Variants in KCNK7 observed in about 807,000 individuals in gnomAD.
The protein encoded by KCNK7 is potassium two pore domain channel subfamily K member 7.
Under a neutral mutation model 18.1 loss-of-function variants are expected in KCNK7, and 14 were observed. That is an observed-to-expected ratio of 0.77 (90% confidence interval 0.51 to 1.21). KCNK7 has a LOEUF of 1.21. KCNK7 is among the 50% of genes most tolerant of loss of function. The pLI is 0.00. For missense variants in KCNK7, 385 were observed against 387.3 expected, an observed-to-expected ratio of 0.99 and a Z score of 0.05; for synonymous variants, 188 against 184.7, an observed-to-expected ratio of 1.02 and a Z score of -0.15.
rs76353556 is a variant in KCNK7 at position 65,593,838 on chromosome 11, T to C, written c.356A>G (p.Lys119Arg). 4,686 of 1,553,484 alleles carry C rather than the reference T, an allele frequency of 3.0e-3. 143 individuals carry two copies. The East Asian group carries it at 0.061, about 20-fold the overall frequency. Reference sequence around the variant, plus strand: ...GGCTGCATAGACCATGCAGAAGGCCTTTCCGCCTGGCGATAGTGGGGCCAT... The same window carrying C: ...GGCTGCATAGACCATGCAGAAGGCCCTTCCGCCTGGCGATAGTGGGGCCAT... ...GHMAPLSPGGKAFCMVYAALG... is the reference protein window; with the variant it reads ...GHMAPLSPGGRAFCMVYAALG... The change falls in exon 2 of 3, where the codon AAG (lysine) becomes AGG (arginine). Residue 119 changes from lysine (K) to arginine (R), a missense_variant. By Grantham distance (26) the Lys-to-Arg change is conservative. Coordinates refer to ENST00000340313, the MANE Select transcript of KCNK7 (RefSeq NM_033347.2).
At position 65,593,781 on chromosome 11, in the gene KCNK7, G is replaced by A. The variant is rs776803946; in HGVS notation, c.413C>T (p.Ala138Val). ...AGGCAGCAGGCAATGGCGCAGGGTG[G>A]CCACGAGAGCTAAGGAGGCTGGCAG... is the stretch of plus-strand genomic sequence containing the variant. ...LGLPASLALV[A>V]TLRHCLLPVL... Residue 138 changes from alanine to valine, a missense_variant, in exon 2 of 3, where the codon GCC becomes GTC. Coordinates refer to ENST00000340313, the MANE Select transcript of KCNK7 (RefSeq NM_033347.2). 40 of 1,609,732 alleles carry A rather than the reference G, an allele frequency of 2.5e-5. No individual in the cohort carries two copies. The highest frequency in any genetic ancestry group is 1.7e-4 in the Middle Eastern group (1 of 6,046).
At position 65,592,998 on chromosome 11, in the gene KCNK7, T is replaced by C; in HGVS notation, c.*7A>G. Reference sequence around the variant, plus strand: ...CCTTACGGAGCTGAACTCGGTCACCTGACGCTTCAGCAAGCAGGGGCTTGT... The same window carrying C: ...CCTTACGGAGCTGAACTCGGTCACCCGACGCTTCAGCAAGCAGGGGCTTGT... On this transcript the variant is annotated 3_prime_UTR_variant, in exon 3 of 3. Transcript: ENST00000340313. 6.2e-7 allele frequency: 1 copy of C among 1,611,938 alleles called. No homozygotes were observed. Among genetic ancestry groups the C allele is most frequent in the Non-Finnish European group, 8.5e-7 (1 of 1,179,526 alleles).
Position 65,593,682 on chromosome 11 carries a change from G to A in KCNK7, c.512C>T (p.Ala171Val). The change falls in exon 2 of 3, where the codon GCA becomes GTA. Residue 171 changes from alanine (A) to valine (V), a missense_variant. Physicochemically the swap from Ala to Val is moderately conservative, Grantham distance 64 (BLOSUM62 0). Transcript: ENST00000340313. ...GGCCACCAGCAGTCCCAGTGCAACT[G>A]CCTGCAGCAGCGCAGCCCTGGCCGG... ...LSPARAALLQ[A>V]VALGLLVASS... 1 of 1,606,444 alleles carries A rather than the reference G, an allele frequency of 6.2e-7. No individual in the cohort carries two copies. Among genetic ancestry groups the A allele is most frequent in the Non-Finnish European group, 8.5e-7 (1 of 1,179,100 alleles).
chr11:65,592,913 G>T lies in KCNK7; in HGVS notation c.*92C>A. 6.9e-7 allele frequency: 1 copy of T among 1,447,126 alleles called. No individual in the cohort carries two copies. Among genetic ancestry groups the T allele is most frequent in the South Asian group, 1.3e-5 (1 of 74,552 alleles). 89.6% of individuals were successfully genotyped at this position (1,447,126 alleles called of 1,614,324 possible). Reference sequence around the variant, plus strand: ...GAGGCCTCCCGCCCACCCTCACCGCGGCTCCATCTCCAGATTCTTCCCCAG... The same window carrying T: ...GAGGCCTCCCGCCCACCCTCACCGCTGCTCCATCTCCAGATTCTTCCCCAG... On this transcript the variant is annotated 3_prime_UTR_variant, in exon 3 of 3. Transcript: ENST00000340313.
chr11:65,595,298 T>C (rs1182925063), intron 1 of KCNK7, among the ~76,000 whole-genome samples, 156 bp downstream of exon 1: 1 of 152,154 alleles, frequency 6.6e-6, no homozygotes, highest in East Asian at 1.9e-4. Context: ...TGGGGTGTGT[T>C]GGTGGGGAGC....
Position 65,593,181 on chromosome 11 carries a change from G to C in KCNK7, c.748C>G (p.Leu250Val). The C allele has an allele frequency of 6.2e-7, 1 of 1,613,546 alleles. No individual in the cohort carries two copies. Among genetic ancestry groups the C allele is most frequent in the African/African-American group, 1.3e-5 (1 of 75,040 alleles). ...TCAGAGAAGGTCTCCACTGCCAGCA[G>C]CATGGCCAAGAGTCCTAGAAGCAAG... ...GYLLLGLLAM[L>V]LAVETFSELP... Residue 250 changes from leucine to valine, a missense_variant, in exon 3 of 3, where the codon CTG (leucine) becomes GTG (valine). Physicochemically the swap from Leu to Val is conservative, Grantham distance 32 (BLOSUM62 1). Coordinates refer to ENST00000340313, the MANE Select transcript of KCNK7 (RefSeq NM_033347.2).
chr11:65,595,399 G>A, intron 1 of KCNK7, 55 bp downstream of exon 1: 1 of 1,351,790 alleles, frequency 7.4e-7, no homozygotes, highest in Non-Finnish European at 9.7e-7. Context: ...AAGCCCCCAG[G>A]GAGCCATGGC....
rs1383675625 is a variant in KCNK7, at chr11:65,595,572, C to T, written c.201G>A (p.Leu67=). The change falls in exon 1 of 3, where the codon CTG becomes CTA. Residue 67 remains leucine (L), a synonymous_variant. Coordinates refer to ENST00000340313, the MANE Select transcript of KCNK7 (RefSeq NM_033347.2). ...CLPPGALEEL[L]GTALATQAHG... ...GGGCCTGGGTGGCCAGGGCAGTGCC[C>T]AGCAGCTCTTCCAGAGCTCCGGGTG... The T allele has an allele frequency of 2.6e-5, 41 of 1,591,798 alleles. No homozygotes were observed. Among genetic ancestry groups the T allele is most frequent in the Non-Finnish European group, 3.5e-5 (41 of 1,165,540 alleles).
At position 65,593,834 on chromosome 11, in the gene KCNK7, G is replaced by T. The variant is rs76286372; in HGVS notation, c.360C>A (p.Ala120=). 7.8e-4 allele frequency: 1,223 copies of T among 1,560,406 alleles called. 4 individuals carry two copies. In the African/African-American group the frequency reaches 0.015, roughly 20 times the overall value. The change falls in exon 2 of 3, where the codon GCC becomes GCA. Residue 120 remains alanine (A), a synonymous_variant. Transcript: ENST00000340313. The part of the protein sequence containing the change: ...HMAPLSPGGK[A]FCMVYAALGL... Reference sequence around the variant, plus strand: ...CCAGGGCTGCATAGACCATGCAGAAGGCCTTTCCGCCTGGCGATAGTGGGG... The same window carrying T: ...CCAGGGCTGCATAGACCATGCAGAATGCCTTTCCGCCTGGCGATAGTGGGG...
rs1224501744 is a variant in KCNK7 at position 65,593,516 on chromosome 11, C to T, written c.678G>A (p.Leu226=). Residue 226 remains leucine, a synonymous_variant, in exon 2 of 3, where the codon CTG becomes CTA. Coordinates refer to ENST00000340313, the MANE Select transcript of KCNK7 (RefSeq NM_033347.2). ...GGCCCAGGTGGTAAATCACGGGGTG[C>T]AGGCTGCGGCCGCGGCCGGGCAGCA... ...EDLLPGRGRS[L]HPVIYHLGQL... 4 of 1,612,812 alleles carry T rather than the reference C, an allele frequency of 2.5e-6. No homozygotes were observed. Among genetic ancestry groups the T allele is most frequent in the Non-Finnish European group, 2.5e-6 (3 of 1,179,904 alleles).
rs1351401495 is a variant in KCNK7 at position 65,593,172 on chromosome 11, C to T, written c.757G>A (p.Val253Met). 6.2e-7 allele frequency: 1 copy of T among 1,613,656 alleles called. No homozygotes were observed. Among genetic ancestry groups the T allele is most frequent in the Non-Finnish European group, 8.5e-7 (1 of 1,179,812 alleles). Residue 253 changes from valine (V) to methionine (M), a missense_variant, in exon 3 of 3, where the codon GTG becomes ATG. Val to Met is a conservative substitution (Grantham distance 21). Coordinates refer to ENST00000340313, the MANE Select transcript of KCNK7 (RefSeq NM_033347.2). ...LLGLLAMLLA[V>M]ETFSELPQVR... ...TGCGGCAGCTCAGAGAAGGTCTCCA[C>T]TGCCAGCAGCATGGCCAAGAGTCCT... is the stretch of plus-strand genomic sequence containing the variant.
Position 65,595,484 on chromosome 11 carries a change from G to T in KCNK7, c.289C>A (p.Leu97Ile). Residue 97 changes from leucine to isoleucine, a missense_variant, in exon 1 of 3, where the codon CTC becomes ATC. By Grantham distance (5) the Leu-to-Ile change is conservative. Transcript: ENST00000340313. ...GTGGTGAGGATGCTGGCAGCGAAGA[G>T]CAGGGCTGAGGGAAGGTCCCAGGTC... The part of the protein sequence containing the change: ...GRTWDLPSAL[L>I]FAASILTTTG... The T allele has an allele frequency of 1.4e-6, 2 of 1,472,270 alleles. No individual in the cohort carries two copies. The highest frequency in any genetic ancestry group is 1.8e-6 in the Non-Finnish European group (2 of 1,099,402). 91.2% of individuals were successfully genotyped at this position (1,472,270 alleles called of 1,614,324 possible).
At chr11:65,593,403 A>C (rs1358436784) in intron 2 of KCNK7, 73 bp downstream of exon 2, 7 of 1,613,274 alleles carry the variant, frequency 4.3e-6, no homozygotes, top group Non-Finnish European at 5.9e-6. Flanking sequence ...CCAGCCCCCC[A>C]GTGATTTATG....
chr11:65,593,268 C>T (rs1375139245), intron 2 of KCNK7, 58 bp from the exon 3 acceptor site: 2 of 1,613,152 alleles, frequency 1.2e-6, no homozygotes, highest in East Asian at 2.2e-5. Flanking sequence ...CCCCGCCCAC[C>T]TCCCAGCGCA....
chr11:65,593,810 C>G lies in KCNK7; in HGVS notation c.384G>C (p.Leu128=). 6.2e-7 allele frequency: 1 copy of G among 1,602,748 alleles called. No individual in the cohort carries two copies. The highest frequency in any genetic ancestry group is 8.5e-7 in the Non-Finnish European group (1 of 1,173,854). The change falls in exon 2 of 3, where the codon CTG becomes CTC. Residue 128 remains leucine (L), a synonymous_variant. Transcript: ENST00000340313. ...GKAFCMVYAA[L]GLPASLALVA... is the part of the protein sequence containing the mutation. Reference sequence around the variant, plus strand: ...CGAGAGCTAAGGAGGCTGGCAGCCCCAGGGCTGCATAGACCATGCAGAAGG... The same window carrying G: ...CGAGAGCTAAGGAGGCTGGCAGCCCGAGGGCTGCATAGACCATGCAGAAGG...
Position 65,595,465 on chromosome 11 carries a change from A to C in KCNK7, c.308T>G (p.Leu103Arg), listed in dbSNP as rs1854332068. The C allele has an allele frequency of 6.9e-7, 1 of 1,448,520 alleles. No individual in the cohort carries two copies. The highest frequency in any genetic ancestry group is 1.4e-5 in the African/African-American group (1 of 70,800). 89.7% of individuals were successfully genotyped at this position (1,448,520 alleles called of 1,614,324 possible). A position where few individuals can be genotyped will look rare whatever the true frequency, so the allele number is the denominator to read the frequency against. Reference protein sequence around the residue: ...PSALLFAASILTTTGYGHMAP... With the variant: ...PSALLFAASIRTTTGYGHMAP... ...CCTGGCTCTCTTACCTGTGGTGGTG[A>C]GGATGCTGGCAGCGAAGAGCAGGGC... The change falls in exon 1 of 3, where the codon CTC becomes CGC. Residue 103 changes from leucine (L) to arginine (R), a missense_variant. Leu to Arg is a moderately radical substitution (Grantham distance 102). Transcript: ENST00000340313.
chr11:65,593,169 C>T lies in KCNK7; in HGVS notation c.760G>A (p.Glu254Lys). Residue 254 changes from glutamate to lysine, a missense_variant, in exon 3 of 3, where the codon GAG becomes AAG. Coordinates refer to ENST00000340313, the MANE Select transcript of KCNK7 (RefSeq NM_033347.2). ...LGLLAMLLAV[E>K]TFSELPQVRA... is the part of the protein sequence containing the mutation. ...ACCTGCGGCAGCTCAGAGAAGGTCT[C>T]CACTGCCAGCAGCATGGCCAAGAGT... is the stretch of plus-strand genomic sequence containing the variant. 3 of 1,613,598 alleles carry T rather than the reference C, an allele frequency of 1.9e-6. No individual in the cohort carries two copies. Among genetic ancestry groups the T allele is most frequent in the Non-Finnish European group, 2.5e-6 (3 of 1,179,792 alleles).
rs781755788 is a variant in KCNK7, at chr11:65,593,188, C to G, written c.741G>C (p.Leu247Phe). The G allele has an allele frequency of 6.2e-7, 1 of 1,613,470 alleles. No individual in the cohort carries two copies. Among genetic ancestry groups the G allele is most frequent in the Admixed American group, 1.7e-5 (1 of 59,958 alleles). Reference protein sequence around the residue: ...ALLGYLLLGLLAMLLAVETFS... With the variant: ...ALLGYLLLGLFAMLLAVETFS... ...AGGTCTCCACTGCCAGCAGCATGGC[C>G]AAGAGTCCTAGAAGCAAGTAACCTG... The change falls in exon 3 of 3, where the codon TTG (leucine) becomes TTC (phenylalanine). Residue 247 changes from leucine to phenylalanine, a missense_variant. Physicochemically the swap from Leu to Phe is conservative, Grantham distance 22 (BLOSUM62 0). Coordinates refer to ENST00000340313, the MANE Select transcript of KCNK7 (RefSeq NM_033347.2).
At position 65,595,584 on chromosome 11, in the gene KCNK7, C is replaced by T; in HGVS notation, c.189G>A (p.Leu63=). The T allele has an allele frequency of 6.3e-7, 1 of 1,592,488 alleles. No homozygotes were observed. The highest frequency in any genetic ancestry group is 8.6e-7 in the Non-Finnish European group (1 of 1,166,140). ...EHRACLPPGA[L]EELLGTALAT... ...CCAGGGCAGTGCCCAGCAGCTCTTC[C>T]AGAGCTCCGGGTGGCAGGCAGGCCC... The change falls in exon 1 of 3, where the codon CTG becomes CTA. Residue 63 remains leucine, a synonymous_variant. Coordinates refer to ENST00000340313, the MANE Select transcript of KCNK7 (RefSeq NM_033347.2).
Sources: gnomAD v4.1 joint callset for allele counts (sites outside exome capture counted in the v4.1 genomes callset) on GRCh38, gnomAD v4.1.1 for gene constraint, MANE v1.5 for transcripts, NCBI Gene and HGNC (gene_info 2026-07-23, HGNC 2026-07-21) for gene names.